Variants in CDH22 observed in about 807,000 individuals in gnomAD.
CDH22 encodes cadherin 22.
CDH22 carries 30 observed loss-of-function variants against 58.4 expected under a neutral mutation model. That is an observed-to-expected ratio of 0.51 (90% confidence interval 0.38 to 0.70). The LOEUF (loss-of-function observed/expected upper bound fraction) is 0.70. Among genes scored for constraint, CDH22 ranks in the 30% least tolerant of loss-of-function variants. The pLI is 0.00. For synonymous variants in CDH22, 513 were observed against 558.2 expected, an observed-to-expected ratio of 0.92 and a Z score of 1.14; for missense variants, 1,014 against 1,233.9, an observed-to-expected ratio of 0.82 and a Z score of 2.67.
At chr20:46,291,172 G>A (rs1332395484) in intron 1 of CDH22, among the ~76,000 whole-genome samples, 2 of 152,192 alleles carry the variant, frequency 1.3e-5, no homozygotes, top group African/African-American at 4.8e-5. Context: ...AGCTACTCAG[G>A]AGGCTGAGGT....
At chr20:46,270,712 C>A (rs1421681009) in intron 1 of CDH22, among the ~76,000 whole-genome samples, 1 of 152,190 alleles carries the variant, frequency 6.6e-6, no homozygotes, top group Non-Finnish European at 1.5e-5. Flanking sequence ...CTGTGTTCAT[C>A]TTTACCCCAT....
At chr20:46,209,739 A>G (rs2086026142) in intron 7 of CDH22, 1 of 152,326 alleles carries the variant, frequency 6.6e-6, no homozygotes. Context: ...GAGAGGAGGC[A>G]AGGATGCCTC....
intron 8 of CDH22, among the ~76,000 whole-genome samples, chr20:46,191,868 C>G (rs1442351219): frequency 6.6e-6 from 1 of 152,094 alleles, no homozygotes; most frequent in African/African-American, 2.4e-5. Flanking sequence ...AAGCCCAAGT[C>G]CCCCATGCCC....
chr20:46,282,379 G>T (rs2086554921), intron 1 of CDH22, among the ~76,000 whole-genome samples: 1 of 152,122 alleles, frequency 6.6e-6, no homozygotes, highest in South Asian at 2.1e-4. Context: ...GAGAGAGCAG[G>T]AAGGAGTCTC....
chr20:46,178,982 T>C (rs2044238280), intron 10 of CDH22, among the ~76,000 whole-genome samples: 1 of 152,186 alleles, frequency 6.6e-6, no homozygotes, highest in East Asian at 1.9e-4. Flanking sequence ...ATGGAACTCA[T>C]GGCACTGGTT....
intron 10 of CDH22, among the ~76,000 whole-genome samples, chr20:46,183,773 C>CTTG (rs1568650553): frequency 2.0e-5 from 3 of 152,124 alleles, no homozygotes; most frequent in South Asian, 2.1e-4. Context: ...ACTAAGGCTC[C>CTTG]GCATTGGGTG....
intron 1 of CDH22, among the ~76,000 whole-genome samples, chr20:46,272,674 G>A (rs527633638): frequency 6.6e-6 from 1 of 152,298 alleles, no homozygotes; most frequent in South Asian, 2.1e-4. Context: ...AAAGTAAACT[G>A]AGGACACAGA....
intron 3 of CDH22, among the ~76,000 whole-genome samples, chr20:46,238,234 A>G (rs1363904304): frequency 6.6e-6 from 1 of 152,156 alleles, no homozygotes; most frequent in Non-Finnish European, 1.5e-5. Flanking sequence ...TAATGCAGAA[A>G]TGTGCAGGTC....
rs2086041769 is a variant in CDH22 at position 46,211,315 on chromosome 20, T to C, written c.1033-755A>G. On this transcript the variant is annotated intron_variant, in intron 6 of 11. Transcript: ENST00000537909. ...GGGGGAGCGATCTGATTGGCAAGAG[T>C]GACCTTCCAGGAGACTCACAGGCAG... 2.0e-5 allele frequency among the ~76,000 whole-genome samples: 3 copies of C among 151,980 alleles called. No individual in the cohort carries two copies. The East Asian group carries it at 5.8e-4, about 29-fold the overall frequency.
chr20:46,184,420 A>T (rs2085810539), intron 10 of CDH22, among the ~76,000 whole-genome samples: 1 of 152,100 alleles, frequency 6.6e-6, no homozygotes, highest in East Asian at 1.9e-4. Context: ...TGTTTCATTG[A>T]ACACATTTTA....
chr20:46,241,541 A>C lies in CDH22; in HGVS notation c.256-284T>G, dbSNP rs1034404826. Among the ~76,000 whole-genome samples the C allele has an allele frequency of 6.6e-6, 1 of 152,080 alleles. No individual in the cohort carries two copies. The highest frequency in any genetic ancestry group is 2.4e-5 in the African/African-American group (1 of 41,392). On this transcript the variant is annotated intron_variant, in intron 2 of 11. Coordinates refer to ENST00000537909, the MANE Select transcript of CDH22 (RefSeq NM_021248.3). This position sits in a 1 kb window ranked among gnomAD's most constrained non-coding sequence, Gnocchi z 5.2. ...ATCTGAACATGGCCTCCCTGCTTAC[A>C]ACCCTCCAGTGGCTTCCCATTGCCT... is the stretch of plus-strand genomic sequence containing the variant.
chr20:46,245,978 G>T (rs908546182), intron 2 of CDH22, among the ~76,000 whole-genome samples: 16 of 152,150 alleles, frequency 1.1e-4, no homozygotes, highest in African/African-American at 3.4e-4. Flanking sequence ...CACATCAAGT[G>T]TGGCCAGCCC....
At chr20:46,207,307 G>A (rs2145682676) in intron 7 of CDH22, among the ~76,000 whole-genome samples, 1 of 152,340 alleles carries the variant, frequency 6.6e-6, no homozygotes, top group East Asian at 1.9e-4. Flanking sequence ...ACTGAGAGGG[G>A]GTGTGGAGAG....
rs2086057037 is a variant in CDH22, at chr20:46,213,163, C to T, written c.864G>A (p.Glu288=). The T allele has an allele frequency of 6.2e-7, 1 of 1,614,060 alleles. No homozygotes were observed. Among genetic ancestry groups the T allele is most frequent in the African/African-American group, 1.3e-5 (1 of 74,922 alleles). The change falls in exon 6 of 12, where the codon GAG becomes GAA. Residue 288 remains glutamate, a synonymous_variant. Transcript: ENST00000537909. ...CCACAGCCGTTCCAATGGGGGCTGACTCCTGGATGCTGAACTGGTACATCT... is the reference window on the plus strand; with the variant it reads ...CCACAGCCGTTCCAATGGGGGCTGATTCCTGGATGCTGAACTGGTACATCT... The part of the protein sequence containing the change: ...PQKMYQFSIQ[E]SAPIGTAVGR...
At chr20:46,307,506 G>C (rs1416821672) in intron 1 of CDH22, among the ~76,000 whole-genome samples, 1 of 152,200 alleles carries the variant, frequency 6.6e-6, no homozygotes, top group Non-Finnish European at 1.5e-5. Context: ...CTTCCCCAGC[G>C]GGGACGGTGT....
At position 46,216,301 on chromosome 20, in the gene CDH22, G is replaced by A. The variant is rs1048436227; in HGVS notation, c.838+525C>T. On this transcript the variant is annotated intron_variant, in intron 5 of 11. Transcript: ENST00000537909. The surrounding 1 kb of genome is among the most constrained non-coding windows in gnomAD (Gnocchi z 5.3). ...TCCTAATTCAGAAGCACAGAGTCGCGCTACCCAGGCTCAGAGGAGGAGGGA... is the reference window on the plus strand; with the variant it reads ...TCCTAATTCAGAAGCACAGAGTCGCACTACCCAGGCTCAGAGGAGGAGGGA... 5.9e-5 allele frequency among the ~76,000 whole-genome samples: 9 copies of A among 152,190 alleles called. No individual in the cohort carries two copies. In the East Asian group the frequency reaches 1.2e-3, roughly 20 times the overall value.
intron 7 of CDH22, among the ~76,000 whole-genome samples, chr20:46,201,971 C>A (rs2085964798): frequency 1.3e-5 from 2 of 152,116 alleles, no homozygotes; most frequent in Non-Finnish European, 2.9e-5. Flanking sequence ...GTGCTAGACT[C>A]TGGGGATAAA....
intron 3 of CDH22, among the ~76,000 whole-genome samples, chr20:46,232,113 T>C (rs555963945): frequency 1.3e-5 from 2 of 152,194 alleles, no homozygotes; most frequent in Non-Finnish European, 2.9e-5. Flanking sequence ...ACTTGGTTTG[T>C]TGTGGAACAA....
chr20:46,286,829 T>C (rs1382461199), intron 1 of CDH22, among the ~76,000 whole-genome samples: 1 of 152,206 alleles, frequency 6.6e-6, no homozygotes, highest in African/African-American at 2.4e-5. Flanking sequence ...GAAAGCCCTA[T>C]GGCTCCTGTG....
Sources: allele counts gnomAD v4.1 joint callset (sites outside exome capture counted in the v4.1 genomes callset), GRCh38; gene constraint gnomAD v4.1.1; non-coding constraint Gnocchi (gnomAD v3.1); transcripts MANE v1.5; gene names NCBI Gene and HGNC (gene_info 2026-07-23, HGNC 2026-07-21).